The following DNAI7 variants were observed in gnomAD, a reference collection of about 807,000 sequenced individuals.
DNAI7 encodes dynein axonemal intermediate chain 7, also known as cancer susceptibility 1.
DNAI7 carries 78 observed loss-of-function variants against 86.6 expected under a neutral mutation model. The observed-to-expected ratio is 0.90, with a 90% CI of 0.75 to 1.09. The LOEUF is 1.09. DNAI7 is among the 50% of genes least tolerant of loss of function. The pLI is 0.00. For missense variants in DNAI7, 753 were observed against 810.2 expected (o/e 0.93, Z 0.86); for synonymous variants, 274 against 273.0 (o/e 1.00, Z -0.04).
At chr12:25,176,920 T>TG (rs1287725481) in intron 2 of DNAI7, among the ~76,000 whole-genome samples, 1 of 148,960 alleles carries the variant, frequency 6.7e-6, no homozygotes, top group African/African-American at 2.5e-5. Context: ...TTTTTTTTTT[T>TG]GAGATGGAGT....
intron 2 of DNAI7, among the ~76,000 whole-genome samples, chr12:25,174,043 A>G (rs1948475723): frequency 6.7e-6 from 1 of 148,754 alleles, no homozygotes; most frequent in African/African-American, 2.4e-5. Flanking sequence ...TATGGAATAT[A>G]TATATCATAT....
chr12:25,192,618 A>G (rs971444550), intron 1 of DNAI7: 1 of 152,098 alleles, frequency 6.6e-6, no homozygotes, highest in Non-Finnish European at 1.5e-5. Flanking sequence ...CCTGAGGTCA[A>G]GACCAGCCTG....
At chr12:25,175,207 T>G (rs1170740204) in intron 2 of DNAI7, among the ~76,000 whole-genome samples, 2 of 152,104 alleles carry the variant, frequency 1.3e-5, no homozygotes, top group Non-Finnish European at 2.9e-5. Context: ...TCCAAAATCC[T>G]CTCTTCCACT....
Position 25,133,734 on chromosome 12 carries a change from G to C in DNAI7, c.1003-10448C>G, listed in dbSNP as rs552649798. On this transcript the variant is annotated intron_variant, in intron 9 of 15. Coordinates refer to ENST00000395987, the MANE Select transcript of DNAI7 (RefSeq NM_018272.5). The stretch of plus-strand genomic sequence containing the variant: ...TAAGCGTCTACACATGTGTCTGTTG[G>C]GTGGTGGTGAGATATGTTCCTGGAA... Among the ~76,000 whole-genome samples, 337 of 152,262 alleles carry C rather than the reference G, an allele frequency of 2.2e-3. 2 individuals carry two copies. Among genetic ancestry groups the C allele is most frequent in the Non-Finnish European group, 3.7e-3 (254 of 68,014 alleles).
chr12:25,134,025 C>T (rs113038710), intron 9 of DNAI7, among the ~76,000 whole-genome samples: 3 of 152,108 alleles, frequency 2.0e-5, no homozygotes, highest in South Asian at 2.1e-4. Flanking sequence ...GACAGGGTCC[C>T]GCTCTCTTGC....
At position 25,162,297 on chromosome 12, in the gene DNAI7, C is replaced by T. The variant is rs146002512; in HGVS notation, c.22-1100G>A. Among the ~76,000 whole-genome samples the T allele has an allele frequency of 3.2e-4, 48 of 152,202 alleles. 1 individual carries two copies. The East Asian group carries it at 6.6e-3, about 21-fold the overall frequency. On this transcript the variant is annotated intron_variant, in intron 2 of 15. Coordinates refer to ENST00000395987, the MANE Select transcript of DNAI7 (RefSeq NM_018272.5). Reference sequence around the variant, plus strand: ...AGAGAGTCTCACAGAGGGAGAATGGCAGTCCAGAACAGGTGAATTTGAATG... The same window carrying T: ...AGAGAGTCTCACAGAGGGAGAATGGTAGTCCAGAACAGGTGAATTTGAATG...
intron 9 of DNAI7, among the ~76,000 whole-genome samples, chr12:25,137,857 A>G (rs1003710744): frequency 2.0e-5 from 3 of 152,220 alleles, no homozygotes; most frequent in Admixed American, 6.5e-5. Context: ...TCCTAAATAT[A>G]TATGCACTTA....
Position 25,185,060 on chromosome 12 carries a change from C to G in DNAI7, c.21+5554G>C, listed in dbSNP as rs548767140. 4.6e-5 allele frequency among the ~76,000 whole-genome samples: 7 copies of G among 152,044 alleles called. No individual in the cohort carries two copies. In the East Asian group the frequency reaches 1.3e-3, roughly 29 times the overall value. Reference sequence around the variant, plus strand: ...GGCTGAGGTGGGAGGATCACTTGAGCCTGGGAGGTTGAGGCTACAGTTAGC... The same window carrying G: ...GGCTGAGGTGGGAGGATCACTTGAGGCTGGGAGGTTGAGGCTACAGTTAGC... On this transcript the variant is annotated intron_variant, in intron 2 of 15. Coordinates refer to ENST00000395987, the MANE Select transcript of DNAI7 (RefSeq NM_018272.5).
intron 2 of DNAI7, 95 bp downstream of exon 2, chr12:25,190,519 T>A: frequency 1.9e-6 from 1 of 518,582 alleles, no homozygotes. Context: ...CTCTACAAAC[T>A]AAAACTATAA....
intron 2 of DNAI7, among the ~76,000 whole-genome samples, chr12:25,187,727 C>A (rs994454265): frequency 6.6e-6 from 1 of 151,992 alleles, no homozygotes; most frequent in Non-Finnish European, 1.5e-5. Flanking sequence ...TACGCCAAAA[C>A]AAAAAGGTCC....
chr12:25,194,743 A>G, intron 1 of DNAI7: 2 of 763,088 alleles, frequency 2.6e-6, no homozygotes, highest in Non-Finnish European at 4.2e-6. Context: ...AAGTTGCAAT[A>G]AGAAAATTTA....
At chr12:25,119,357 G>T in intron 11 of DNAI7, 56 bp from the exon 12 acceptor site, 3 of 1,136,086 alleles carry the variant, frequency 2.6e-6, no homozygotes, top group South Asian at 2.8e-5. Flanking sequence ...AGTGAAAAAT[G>T]TAAATAGTAC....
intron 2 of DNAI7, among the ~76,000 whole-genome samples, chr12:25,173,215 T>C (rs567046242): frequency 6.6e-6 from 1 of 152,200 alleles, no homozygotes; most frequent in East Asian, 1.9e-4. Flanking sequence ...AAAGGACTAA[T>C]ATCCAGAATC....
At chr12:25,150,436 C>G (rs1945386481) in intron 6 of DNAI7, among the ~76,000 whole-genome samples, 1 of 151,910 alleles carries the variant, frequency 6.6e-6, no homozygotes, top group African/African-American at 2.4e-5. Context: ...AACCCCATCT[C>G]TACTAAAAAT....
chr12:25,178,088 C>T (rs1204737454), intron 2 of DNAI7, among the ~76,000 whole-genome samples: 1 of 152,146 alleles, frequency 6.6e-6, no homozygotes, highest in Non-Finnish European at 1.5e-5. Context: ...TTTCCTTTCT[C>T]ATAATATCTT....
At chr12:25,183,253 G>C (rs1213766578) in intron 2 of DNAI7, among the ~76,000 whole-genome samples, 2 of 151,934 alleles carry the variant, frequency 1.3e-5, no homozygotes, top group African/African-American at 4.8e-5. Flanking sequence ...GCGGGGACAA[G>C]GGTTGAAAAA....
At chr12:25,190,043 G>A (rs1202871240) in intron 2 of DNAI7, among the ~76,000 whole-genome samples, 7 of 149,320 alleles carry the variant, frequency 4.7e-5, no homozygotes, top group African/African-American at 1.7e-4. Flanking sequence ...TGTCTGTAGG[G>A]TAAATTTGGA....
At chr12:25,178,520 T>C (rs547349946) in intron 2 of DNAI7, among the ~76,000 whole-genome samples, 2 of 152,330 alleles carry the variant, frequency 1.3e-5, no homozygotes, top group East Asian at 1.9e-4. Flanking sequence ...AGAAATCTAC[T>C]GTGACTTGTT....
At position 25,171,236 on chromosome 12, in the gene DNAI7, C is replaced by G. The variant is rs568625867; in HGVS notation, c.22-10039G>C. Among the ~76,000 whole-genome samples the G allele has an allele frequency of 2.0e-5, 3 of 152,034 alleles. No individual in the cohort carries two copies. In the East Asian group the frequency reaches 5.8e-4, roughly 29 times the overall value. On this transcript the variant is annotated intron_variant, in intron 2 of 15. Coordinates refer to ENST00000395987, the MANE Select transcript of DNAI7 (RefSeq NM_018272.5). Reference sequence around the variant, plus strand: ...ATTGATAGATCATTAATAAGATTAACCAAGAAAAGAAGATAGAAAATCCAA... The same window carrying G: ...ATTGATAGATCATTAATAAGATTAAGCAAGAAAAGAAGATAGAAAATCCAA...
Sources: allele counts gnomAD v4.1 joint callset (sites outside exome capture counted in the v4.1 genomes callset), GRCh38; gene constraint gnomAD v4.1.1; transcripts MANE v1.5; gene names NCBI Gene and HGNC (gene_info 2026-07-23, HGNC 2026-07-21).